Variants in TSNARE1 observed in about 807,000 individuals in gnomAD.
TSNARE1 encodes the protein t-SNARE domain containing 1.
TSNARE1 carries 49 observed loss-of-function variants against 62.0 expected under a neutral mutation model. The ratio of observed to expected loss-of-function variants is 0.79; its 90% CI spans 0.63 to 1.00. TSNARE1 has a LOEUF of 1.00. Among genes scored for constraint, TSNARE1 ranks in the 50% least tolerant of loss-of-function variants. TSNARE1 has a pLI of 0.00. For synonymous variants in TSNARE1, 328 were observed against 294.4 expected (o/e 1.11, Z -1.17); for missense variants, 755 against 700.1 (o/e 1.08, Z -0.88).
chr8:142,253,072 C>A (rs920718479), intron 12 of TSNARE1, among the ~76,000 whole-genome samples: 1 of 152,234 alleles, frequency 6.6e-6, no homozygotes, highest in Non-Finnish European at 1.5e-5. Flanking sequence ...ACTGGATGTG[C>A]CCACTCCCGG....
Position 142,291,957 on chromosome 8 carries a change from G to A in TSNARE1, c.1291-7472C>T, listed in dbSNP as rs987537321. Among the ~76,000 whole-genome samples the A allele has an allele frequency of 6.6e-6, 1 of 151,820 alleles. No homozygotes were observed. The highest frequency in any genetic ancestry group is 2.4e-5 in the African/African-American group (1 of 41,278). On this transcript the variant is annotated intron_variant, in intron 10 of 13. Transcript: ENST00000524325. The surrounding 1 kb of genome is among the most constrained non-coding windows in gnomAD (Gnocchi z 4.8). ...CTCTCCCGTGGACGGTCACAGCAAC[G>A]CACGCCCCCCCCGGCCCCCCACCTG...
intron 13 of TSNARE1, among the ~76,000 whole-genome samples, chr8:142,226,178 G>T (rs1338972840): frequency 1.3e-5 from 2 of 152,204 alleles, no homozygotes; most frequent in Non-Finnish European, 2.9e-5. Context: ...GACTAAGTCA[G>T]CTCTGTACAG....
intron 6 of TSNARE1, among the ~76,000 whole-genome samples, chr8:142,325,185 C>T (rs1830023605): frequency 6.6e-6 from 1 of 152,144 alleles, no homozygotes; most frequent in Non-Finnish European, 1.5e-5. Context: ...CGGCAGAGGG[C>T]AGCGCGGGCA....
At chr8:142,284,318 C>T (rs1822315506) in intron 11 of TSNARE1, 95 bp downstream of exon 11, 1 of 994,704 alleles carries the variant, frequency 1.0e-6, no homozygotes, top group East Asian at 2.4e-5. Flanking sequence ...TCTTAGAGGC[C>T]CCTTCACCCA....
chr8:142,353,041 T>C (rs1458333590), intron 2 of TSNARE1, among the ~76,000 whole-genome samples: 3 of 152,020 alleles, frequency 2.0e-5, no homozygotes, highest in Admixed American at 1.3e-4. Flanking sequence ...CCCTGGCCCA[T>C]GGAAGGAACC....
chr8:142,314,673 C>T (rs4259530), intron 8 of TSNARE1, among the ~76,000 whole-genome samples: 34,544 of 152,068 alleles, frequency 0.23, 4,510 homozygotes, highest in African/African-American at 0.35. Context: ...GCTCTGCCAG[C>T]GAGTCGCTGG....
chr8:142,250,691 G>A (rs559202313), intron 12 of TSNARE1, among the ~76,000 whole-genome samples: 7 of 152,346 alleles, frequency 4.6e-5, no homozygotes, highest in South Asian at 4.1e-4. Context: ...AGCCCCAGGC[G>A]CTTGCAGACG....
At chr8:142,265,351 A>G (rs1819081049) in intron 12 of TSNARE1, among the ~76,000 whole-genome samples, 3 of 152,258 alleles carry the variant, frequency 2.0e-5, no homozygotes, top group African/African-American at 7.2e-5. Flanking sequence ...GGAGTCACAA[A>G]GCATGGCCTT....
chr8:142,400,382 G>A (rs1838200766), intron 1 of TSNARE1, among the ~76,000 whole-genome samples: 6 of 149,498 alleles, frequency 4.0e-5, no homozygotes. Flanking sequence ...GGAGGCAGAG[G>A]TTGCAGTGAA....
intron 9 of TSNARE1, among the ~76,000 whole-genome samples, chr8:142,304,314 G>A (rs764336967): frequency 2.9e-4 from 44 of 152,308 alleles, no homozygotes; most frequent in East Asian, 7.8e-4. Context: ...CTAGGCTTCC[G>A]GGGCTCTTGC....
chr8:142,313,675 C>G (rs1267566331), intron 9 of TSNARE1, among the ~76,000 whole-genome samples: 2 of 151,804 alleles, frequency 1.3e-5, no homozygotes, highest in African/African-American at 4.8e-5. Context: ...GTCTGTGTCT[C>G]TGTGTGTTTA....
intron 4 of TSNARE1, among the ~76,000 whole-genome samples, 186 bp downstream of exon 4, chr8:142,343,771 AGAGGAGGAG>A: frequency 1.8e-5 from 1 of 56,984 alleles, no homozygotes; most frequent in South Asian, 7.2e-4. Flanking sequence ...GGAGGGGAGA[AGAGGAGGAG>A]GAGGAGGAGG....
chr8:142,335,206 CG>C (rs1239426114), intron 4 of TSNARE1, among the ~76,000 whole-genome samples: 3 of 151,850 alleles, frequency 2.0e-5, no homozygotes, highest in African/African-American at 7.3e-5. Context: ...CTCAACGAGG[CG>C]GGGTCATCAG....
intron 13 of TSNARE1, among the ~76,000 whole-genome samples, chr8:142,222,836 TCACTCATTCATC>T (rs1389170879): frequency 4.0e-5 from 6 of 149,362 alleles, no homozygotes; most frequent in African/African-American, 1.0e-4. Flanking sequence ...ACTCATTCAC[TCACTCATTCATC>T]CACTCACTCA....
In TSNARE1 at chr8:142,326,672, C is replaced by T. The variant is rs981232765; in HGVS notation, c.893+4229G>A. Among the ~76,000 whole-genome samples, 16 of 150,124 alleles carry T rather than the reference C, an allele frequency of 1.1e-4. 1 individual carries two copies. The highest frequency in any genetic ancestry group is 4.0e-4 in the African/African-American group (16 of 39,946). On this transcript the variant is annotated intron_variant, in intron 6 of 13. Transcript: ENST00000524325. ...CCAGCACCAGCGAAGGGGAGGGCCCCAGAGAGCACGAGACGGATGAGGAAC... is the reference window on the plus strand; with the variant it reads ...CCAGCACCAGCGAAGGGGAGGGCCCTAGAGAGCACGAGACGGATGAGGAAC...
At chr8:142,284,095 G>A (rs1563827077) in intron 11 of TSNARE1, among the ~76,000 whole-genome samples, 1 of 147,358 alleles carries the variant, frequency 6.8e-6, no homozygotes, top group African/African-American at 2.4e-5. Context: ...AATGAGCAGA[G>A]GCGGGGCCAG....
At chr8:142,387,907 G>A (rs1401938787) in intron 1 of TSNARE1, among the ~76,000 whole-genome samples, 1 of 152,146 alleles carries the variant, frequency 6.6e-6, no homozygotes, top group African/African-American at 2.4e-5. Flanking sequence ...TTATGTTTAT[G>A]AAGCAACTAT....
In TSNARE1 at chr8:142,315,235, C is replaced by G. The variant is rs1828332529; in HGVS notation, c.985-143G>C. 4 of 806,204 alleles carry G rather than the reference C, an allele frequency of 5.0e-6. No individual in the cohort carries two copies. In the East Asian group the frequency reaches 8.0e-5, roughly 16 times the overall value. 49.9% of individuals were successfully genotyped at this position (806,204 alleles called of 1,614,324 possible). A position where few individuals can be genotyped will look rare whatever the true frequency, so the allele number is the denominator to read the frequency against. ...GCCATCAACTACTTCCCCTCCGTGTCACCGTCGTCTCCACAGGCACACCCA... is the reference window on the plus strand; with the variant it reads ...GCCATCAACTACTTCCCCTCCGTGTGACCGTCGTCTCCACAGGCACACCCA... On this transcript the variant is annotated intron_variant, in intron 7 of 13. Transcript: ENST00000524325.
At chr8:142,306,222 A>T (rs1418473675) in intron 9 of TSNARE1, among the ~76,000 whole-genome samples, 1 of 152,160 alleles carries the variant, frequency 6.6e-6, no homozygotes, top group Non-Finnish European at 1.5e-5. Flanking sequence ...CGTTAAATCA[A>T]AGGGAAATGG....
Sources: allele counts gnomAD v4.1 joint callset (sites outside exome capture counted in the v4.1 genomes callset), GRCh38; gene constraint gnomAD v4.1.1; non-coding constraint Gnocchi (gnomAD v3.1); transcripts MANE v1.5; gene names NCBI Gene and HGNC (gene_info 2026-07-23, HGNC 2026-07-21).